Variants in MYT1L observed in about 807,000 individuals in gnomAD.
MYT1L encodes myelin transcription factor 1-like protein.
MYT1L carries 12 observed loss-of-function variants against 126.7 expected under a neutral mutation model. The ratio of observed to expected loss-of-function variants is 0.09; its 90% CI spans 0.06 to 0.15. MYT1L has a LOEUF of 0.15. Among genes scored for constraint, MYT1L ranks in the 10% least tolerant of loss-of-function variants. The pLI is 1.00. For synonymous variants in MYT1L, 541 were observed against 604.2 expected (o/e 0.90, Z 1.53); for missense variants, 979 against 1,585.2 (o/e 0.62, Z 6.49).
chr2:2,328,998 A>G (rs1273358693), intron 1 of MYT1L, among the ~76,000 whole-genome samples: 4 of 152,188 alleles, frequency 2.6e-5, no homozygotes, highest in Non-Finnish European at 5.9e-5. Context: ...TCACATTGCC[A>G]ATAAACTAGG....
chr2:1,963,046 C>A (rs1378748032), intron 8 of MYT1L, among the ~76,000 whole-genome samples: 3 of 152,188 alleles, frequency 2.0e-5, no homozygotes, highest in Non-Finnish European at 4.4e-5. Context: ...CTCTCTATGG[C>A]AGATGTAGCC....
intron 18 of MYT1L, among the ~76,000 whole-genome samples, chr2:1,873,626 C>T (rs1251273476): frequency 6.6e-6 from 1 of 152,214 alleles, no homozygotes; most frequent in Admixed American, 6.5e-5. Flanking sequence ...ATCTGGCAGG[C>T]ATCAGGCACC....
intron 5 of MYT1L, among the ~76,000 whole-genome samples, chr2:1,992,485 G>C (rs2149575922): frequency 6.6e-6 from 1 of 152,280 alleles, no homozygotes; most frequent in Non-Finnish European, 1.5e-5. Context: ...GCCCCGCTGT[G>C]ATGCCTTCTG....
At chr2:2,082,393 G>A (rs1320770642) in intron 3 of MYT1L, among the ~76,000 whole-genome samples, 1 of 152,156 alleles carries the variant, frequency 6.6e-6, no homozygotes, top group African/African-American at 2.4e-5. Context: ...CAGAGTCACT[G>A]AAAAACAGTC....
chr2:1,937,498 C>T (rs2056097990), intron 9 of MYT1L, among the ~76,000 whole-genome samples: 1 of 151,998 alleles, frequency 6.6e-6, no homozygotes, highest in Admixed American at 6.6e-5. Flanking sequence ...CTAACGTCCG[C>T]GGCCATCAGA....
At chr2:1,946,186 A>C (rs774471847) in intron 8 of MYT1L, among the ~76,000 whole-genome samples, 4 of 151,408 alleles carry the variant, frequency 2.6e-5, no homozygotes, top group Non-Finnish European at 5.9e-5. Flanking sequence ...CCTTATGAGA[A>C]TCTAATGCCT....
intron 8 of MYT1L, among the ~76,000 whole-genome samples, chr2:1,957,595 TCTATTATC>T (rs1428859458): frequency 3.3e-5 from 5 of 149,784 alleles, no homozygotes; most frequent in African/African-American, 7.6e-5. Context: ...CATCTATCTA[TCTATTATC>T]TATCTATCTA....
At chr2:2,320,478 GA>G (rs111423007) in intron 1 of MYT1L, among the ~76,000 whole-genome samples, 89 of 130,906 alleles carry the variant, frequency 6.8e-4, no homozygotes, top group South Asian at 4.0e-3. Context: ...CTAAGTCCTA[GA>G]AAAAAAAAAA....
chr2:2,209,732 T>C (rs892154424), intron 2 of MYT1L, among the ~76,000 whole-genome samples: 1 of 152,240 alleles, frequency 6.6e-6, no homozygotes, highest in Non-Finnish European at 1.5e-5. Context: ...ATGTTGGCTC[T>C]TGTGAATAGT....
chr2:1,968,157 C>G (rs771460727), intron 8 of MYT1L, among the ~76,000 whole-genome samples: 1 of 152,184 alleles, frequency 6.6e-6, no homozygotes, highest in Non-Finnish European at 1.5e-5. Context: ...ACTCTCTGCT[C>G]TCAGATCTTA....
chr2:1,871,968 GT>G (rs2046335294), intron 18 of MYT1L, among the ~76,000 whole-genome samples: 2 of 152,146 alleles, frequency 1.3e-5, no homozygotes, highest in Non-Finnish European at 2.9e-5. Context: ...GAGGCGCATT[GT>G]ATGAGCTGCA....
At chr2:2,104,132 C>A (rs2078451067) in intron 3 of MYT1L, among the ~76,000 whole-genome samples, 1 of 152,196 alleles carries the variant, frequency 6.6e-6, no homozygotes, top group Non-Finnish European at 1.5e-5. Flanking sequence ...TTGTGCCATT[C>A]AAGTTACATT....
At chr2:2,319,625 T>A (rs2096126107) in intron 1 of MYT1L, among the ~76,000 whole-genome samples, 2 of 152,130 alleles carry the variant, frequency 1.3e-5, no homozygotes. Context: ...GAAGTGCTGA[T>A]TACCCAGGAA....
chr2:2,209,015 C>G (rs12620842), intron 2 of MYT1L, among the ~76,000 whole-genome samples: 1 of 152,042 alleles, frequency 6.6e-6, no homozygotes, highest in Non-Finnish European at 1.5e-5. Context: ...CACACACACA[C>G]ACACACACAC....
intron 3 of MYT1L, among the ~76,000 whole-genome samples, chr2:2,131,355 T>C (rs2082326953): frequency 6.6e-6 from 1 of 152,200 alleles, no homozygotes; most frequent in Non-Finnish European, 1.5e-5. Flanking sequence ...TGCTTGTGGC[T>C]CCTAGTTTAG....
intron 3 of MYT1L, among the ~76,000 whole-genome samples, chr2:2,139,189 G>A (rs1181341569): frequency 2.0e-5 from 3 of 151,886 alleles, no homozygotes; most frequent in African/African-American, 4.8e-5. Flanking sequence ...TCCCATACAC[G>A]TCCCCTGACT....
chr2:2,065,848 G>A (rs111243920), intron 3 of MYT1L, among the ~76,000 whole-genome samples: 5,911 of 135,180 alleles, frequency 0.044, 150 homozygotes, highest in Non-Finnish European at 0.061. Flanking sequence ...ACACACACAC[G>A]CACACACACA....
Position 1,808,046 on chromosome 2 carries a change from G to C in MYT1L, c.3172+1030C>G, listed in dbSNP as rs114491537. ...TCTCTCCTGCCGCCATGTGAAGAAG[G>C]ACACATTTGCTTCCCTTTGCACCAT... On this transcript the variant is annotated intron_variant, in intron 22 of 24. Coordinates refer to ENST00000647738, the MANE Select transcript of MYT1L (RefSeq NM_001303052.2). Among the ~76,000 whole-genome samples, 399 of 152,162 alleles carry C rather than the reference G, an allele frequency of 2.6e-3. 4 individuals are homozygous for C. Among genetic ancestry groups the C allele is most frequent in the African/African-American group, 9.3e-3 (387 of 41,514 alleles).
intron 1 of MYT1L, among the ~76,000 whole-genome samples, chr2:2,310,168 C>A (rs1044434263): frequency 2.8e-4 from 43 of 151,462 alleles, no homozygotes; most frequent in Non-Finnish European, 4.3e-4. Flanking sequence ...ACCTACACTT[C>A]AGTATACTCT....
Sources: gnomAD v4.1 joint callset for allele counts (sites outside exome capture counted in the v4.1 genomes callset) on GRCh38, gnomAD v4.1.1 for gene constraint, MANE v1.5 for transcripts, NCBI Gene and HGNC (gene_info 2026-07-23, HGNC 2026-07-21) for gene names.